LILRA4: variants seen among roughly 807,000 people sequenced by gnomAD.
LILRA4 encodes the protein leukocyte immunoglobulin-like receptor subfamily A member 4.
A neutral mutation model predicts 49.5 loss-of-function variants in LILRA4; 51 were observed. The ratio of observed to expected loss-of-function variants is 1.03; its 90% confidence interval spans 0.82 to 1.30. The LOEUF (loss-of-function observed/expected upper bound fraction) is 1.30, where lower values mean the gene tolerates loss of function less well. Ranked by LOEUF, LILRA4 falls within the 50% of genes most tolerant of loss-of-function variation. LILRA4 has a pLI of 0.00. For missense variants in LILRA4, 624 were observed against 625.6 expected (o/e 1.00, Z 0.03); for synonymous variants, 272 against 265.6 (o/e 1.02, Z -0.23).
rs575356969 is a variant in LILRA4 at position 54,337,584 on chromosome 19, G to T, written c.768C>A (p.Tyr256Ter). 33 of 1,613,490 alleles carry T rather than the reference G, an allele frequency of 2.0e-5. No homozygotes were observed. The highest frequency in any genetic ancestry group is 2.7e-5 in the Non-Finnish European group (32 of 1,179,918). The change falls in exon 5 of 8, where the codon TAC (tyrosine) becomes TAA (stop). Residue 256 changes from tyrosine (Y) to a stop codon, truncating the protein, a stop_gained. Coordinates refer to ENST00000291759, the MANE Select transcript of LILRA4 (RefSeq NM_012276.5). LOFTEE classifies it high-confidence loss of function. ...GGGGGAGGCCATCGGCCCCCTCCTT[G>T]TACAGAGTGTATCTGATGTAGCCGA... Reference protein sequence around the residue: ...SDVGYIRYTLYKEGADGLPQR... With the variant: ...SDVGYIRYTL
At chr19:54,334,293 C>T (rs565455288) in intron 6 of LILRA4, 2 of 280,564 alleles carry the variant, frequency 7.1e-6, no homozygotes, top group Non-Finnish European at 1.3e-5. Context: ...GCAACAAGAA[C>T]ACAACAACTA....
chr19:54,335,077 A>G (rs2081309956), intron 6 of LILRA4: 1 of 152,194 alleles, frequency 6.6e-6, no homozygotes, highest in Non-Finnish European at 1.5e-5. Flanking sequence ...ACTTGAATAT[A>G]TGTTTGTGTC....
rs2081331462 is a variant in LILRA4, at chr19:54,337,033, G to C, written c.1063C>G (p.Leu355Val). The C allele has an allele frequency of 6.2e-7, 1 of 1,610,412 alleles. No homozygotes were observed. The highest frequency in any genetic ancestry group is 1.7e-5 in the Admixed American group (1 of 59,706). The change falls in exon 6 of 8, where the codon CTG becomes GTG. Residue 355 changes from leucine to valine, a missense_variant. Physicochemically the swap from Leu to Val is conservative, Grantham distance 32. Coordinates refer to ENST00000291759, the MANE Select transcript of LILRA4 (RefSeq NM_012276.5). ...GGATGGGCTGCCCCCTCCTTGGTCAGAAGGAAAGTGAACATCGGGTCCCAT... is the reference window on the plus strand; with the variant it reads ...GGATGGGCTGCCCCCTCCTTGGTCACAAGGAAAGTGAACATCGGGTCCCAT... ...QSWDPMFTFL[L>V]TKEGAAHPPL...
At position 54,337,542 on chromosome 19, in the gene LILRA4, C is replaced by T. The variant is rs1232961787; in HGVS notation, c.810G>A (p.Gln270=). The change falls in exon 5 of 8, where the codon CAG becomes CAA. Residue 270 remains glutamine, a synonymous_variant. Transcript: ENST00000291759. The stretch of plus-strand genomic sequence containing the variant: ...TGGCCTGGGAGAGCCCAGCCTGGGG[C>T]TGCCGGCCAGGGCGCTGGGGGAGGC... The part of the protein sequence containing the change: ...ADGLPQRPGR[Q]PQAGLSQANF... 3.1e-6 allele frequency: 5 copies of T among 1,613,184 alleles called. No individual in the cohort carries two copies. Among genetic ancestry groups the T allele is most frequent in the Non-Finnish European group, 4.2e-6 (5 of 1,179,934 alleles).
rs774387400 is a variant in LILRA4, at chr19:54,333,519, C to T, written c.*53G>A. ...CCATGCTTCTTCCCCTTGATATTCT[C>T]AGCAGACACTTCCCCAACTGCTGCC... On this transcript the variant is annotated 3_prime_UTR_variant, in exon 8 of 8. Coordinates refer to ENST00000291759, the MANE Select transcript of LILRA4 (RefSeq NM_012276.5). 7.0e-6 allele frequency: 11 copies of T among 1,564,436 alleles called. No homozygotes were observed. The highest frequency in any genetic ancestry group is 9.7e-6 in the Non-Finnish European group (11 of 1,137,998).
rs759974060 is a variant in LILRA4, at chr19:54,337,607, C to G, written c.745G>C (p.Gly249Arg). 4.3e-6 allele frequency: 7 copies of G among 1,613,566 alleles called. No individual in the cohort carries two copies. In the African/African-American group the frequency reaches 6.7e-5, roughly 15 times the overall value. Residue 249 changes from glycine (G) to arginine (R), a missense_variant, in exon 5 of 8, where the codon GGC becomes CGC. Gly to Arg is a moderately radical substitution (Grantham distance 125, BLOSUM62 -2). Coordinates refer to ENST00000291759, the MANE Select transcript of LILRA4 (RefSeq NM_012276.5). ...NLTLQCGSDV[G>R]YIRYTLYKEG... Reference sequence around the variant, plus strand: ...TTGTACAGAGTGTATCTGATGTAGCCGACATCAGAGCCACACTGGAGGGTC... The same window carrying G: ...TTGTACAGAGTGTATCTGATGTAGCGGACATCAGAGCCACACTGGAGGGTC...
intron 6 of LILRA4, chr19:54,334,268 G>A: frequency 2.7e-6 from 1 of 367,100 alleles, no homozygotes; most frequent in Non-Finnish European, 4.9e-6. Context: ...TGCTGTCTTG[G>A]ATGTGCAATC....
Position 54,337,941 on chromosome 19 carries a change from A to T in LILRA4, c.650T>A (p.Val217Glu). 6.2e-7 allele frequency: 1 copy of T among 1,608,864 alleles called. No homozygotes were observed. The highest frequency in any genetic ancestry group is 8.5e-7 in the Non-Finnish European group (1 of 1,177,476). ...AAAAGCTACGGCTTCCTCACCTGAC[A>T]CCAGTAGCTGCAGGGGGTCACTGGG... ...SEPSDPLQLL[V>E]SGVSRKPSLL... Residue 217 changes from valine (V) to glutamate (E), a missense_variant, in exon 4 of 8, where the codon GTG becomes GAG. Val to Glu is a moderately radical substitution (Grantham distance 121). Transcript: ENST00000291759.
In LILRA4 at chr19:54,338,051, G is replaced by A. The variant is rs146578434; in HGVS notation, c.540C>T (p.Phe180=). The change falls in exon 4 of 8, where the codon TTC becomes TTT. Residue 180 remains phenylalanine (F), a synonymous_variant. Coordinates refer to ENST00000291759, the MANE Select transcript of LILRA4 (RefSeq NM_012276.5). ...QHNHGKFQAL[F]PMGPLTFSNR... ...TGCTGAAGGTCAGGGGGCCCATGGG[G>A]AACAGGGCCTGGAACTTTCCATGGT... The A allele has an allele frequency of 1.6e-4, 263 of 1,613,976 alleles. No individual in the cohort carries two copies. The highest frequency in any genetic ancestry group is 4.8e-4 in the Admixed American group (29 of 59,994).
chr19:54,335,176 G>A (rs887420490), intron 6 of LILRA4: 2 of 152,048 alleles, frequency 1.3e-5, no homozygotes, highest in Non-Finnish European at 2.9e-5. Flanking sequence ...CTTTGCATTT[G>A]TGTCTCTCTC....
rs1018525884 is a variant in LILRA4, at chr19:54,336,987, A to G, written c.1109T>C (p.Met370Thr). 57 of 1,542,964 alleles carry G rather than the reference A, an allele frequency of 3.7e-5. No individual in the cohort carries two copies. The highest frequency in any genetic ancestry group is 2.1e-4 in the Admixed American group (12 of 57,780). Residue 370 changes from methionine to threonine, a missense_variant, in exon 6 of 8, where the codon ATG becomes ACG. Transcript: ENST00000291759. Reference protein sequence around the residue: ...AAHPPLRLRSMYGAHKYQAEF... With the variant: ...AAHPPLRLRSTYGAHKYQAEF... Reference sequence around the variant, plus strand: ...AGCCTGGTACTTATGAGCTCCGTACATTGATCTCAGACGCAACGGGGGATG... The same window carrying G: ...AGCCTGGTACTTATGAGCTCCGTACGTTGATCTCAGACGCAACGGGGGATG...
At chr19:54,335,047 T>C (rs2081309591) in intron 6 of LILRA4, 1 of 151,804 alleles carries the variant, frequency 6.6e-6, no homozygotes, top group Non-Finnish European at 1.5e-5. Flanking sequence ...TGATGAAAAA[T>C]ATTAAGCACA....
intron 6 of LILRA4, chr19:54,334,284 C>A (rs1173426744): frequency 3.4e-6 from 1 of 298,188 alleles, no homozygotes; most frequent in Non-Finnish European, 6.2e-6. Context: ...CAATCTTGTG[C>A]AACAAGAACA....
intron 2 of LILRA4, 58 bp downstream of exon 2, chr19:54,338,808 G>C: frequency 1.2e-6 from 2 of 1,610,236 alleles, no homozygotes; most frequent in Non-Finnish European, 1.7e-6. Flanking sequence ...GCTGCCCAGG[G>C]GTGGTCCCTT....
At chr19:54,337,910 A>G in intron 4 of LILRA4, 26 bp downstream of exon 4, 1 of 1,587,690 alleles carries the variant, frequency 6.3e-7, no homozygotes, top group Non-Finnish European at 8.6e-7. Context: ...CTGACTTTGT[A>G]TAAGGAAAAG....
intron 4 of LILRA4, 102 bp downstream of exon 4, chr19:54,337,834 C>T: frequency 6.9e-7 from 1 of 1,450,098 alleles, no homozygotes; most frequent in Non-Finnish European, 9.3e-7. Context: ...CCCCCATCTT[C>T]CCCTCATCTT....
In LILRA4 at chr19:54,338,228, G is replaced by A. The variant is rs2081353696; in HGVS notation, c.363C>T (p.Ser121=). The A allele has an allele frequency of 1.2e-6, 2 of 1,606,020 alleles. No individual in the cohort carries two copies. ...TTGGCAGTGCGGACAGGGTGGGTCT[G>A]CTGTAGGCTTTCAAGAGAAAAAAAG... is the stretch of plus-strand genomic sequence containing the variant. ...DPLELVVTAY[S]RPTLSALPSP... is the part of the protein sequence containing the mutation. The change falls in exon 4 of 8, where the codon AGC becomes AGT. Residue 121 remains serine (S), a synonymous_variant. Coordinates refer to ENST00000291759, the MANE Select transcript of LILRA4 (RefSeq NM_012276.5).
chr19:54,338,934 C>T (rs374849494), intron 1 of LILRA4, 33 bp from the exon 2 acceptor site: 2 of 1,611,986 alleles, frequency 1.2e-6, no homozygotes, highest in South Asian at 2.2e-5. Context: ...AGATTTGCCT[C>T]CGAAGCCTGA....
rs1193898654 is a variant in LILRA4 at position 54,337,322 on chromosome 19, G to T, written c.952+78C>A. On this transcript the variant is annotated intron_variant, in intron 5 of 7. Transcript: ENST00000291759. ...CTTAGGACCCCCACCCCTCATCCCG[G>T]CCATCACCACCTGGGCTCCCCCAGC... 12 of 1,574,348 alleles carry T rather than the reference G, an allele frequency of 7.6e-6. No individual in the cohort carries two copies. In the East Asian group the frequency reaches 2.5e-4, roughly 33 times the overall value.
Sources: gnomAD v4.1 joint callset for allele counts on GRCh38, gnomAD v4.1.1 for gene constraint, MANE v1.5 for transcripts, NCBI Gene and HGNC (gene_info 2026-07-23, HGNC 2026-07-21) for gene names.